The following CCDC148 variants were observed in gnomAD, a reference collection of about 807,000 sequenced individuals.
CCDC148 encodes the protein coiled-coil domain-containing protein 148.
In CCDC148, 89 loss-of-function variants were observed where a neutral mutation model predicts 85.7. The ratio of observed to expected loss-of-function variants is 1.04; its 90% CI spans 0.87 to 1.24. The LOEUF is 1.24. Ranked by LOEUF, CCDC148 falls within the 50% of genes most tolerant of loss-of-function variation. The probability of loss-of-function intolerance (pLI) is 0.00; values close to 1 mark genes in which losing one functional copy is unlikely to be tolerated. For missense variants in CCDC148, 692 were observed against 671.7 expected, an observed-to-expected ratio of 1.03 and a Z score of -0.33; for synonymous variants, 230 against 213.9, an observed-to-expected ratio of 1.08 and a Z score of -0.66.
chr2:158,221,007 C>A (rs980398867), intron 10 of CCDC148, among the ~76,000 whole-genome samples: 7 of 152,182 alleles, frequency 4.6e-5, no homozygotes, highest in African/African-American at 1.7e-4. Context: ...TTCCAGAGAA[C>A]CACAATAAAA....
chr2:158,403,513 C>T (rs896670048), intron 1 of CCDC148, among the ~76,000 whole-genome samples: 2 of 152,168 alleles, frequency 1.3e-5, no homozygotes, highest in Non-Finnish European at 2.9e-5. Flanking sequence ...GAGCTACTGA[C>T]CTTTATATGA....
Position 158,289,850 on chromosome 2 carries a change from A to G in CCDC148, c.1110+19583T>C, listed in dbSNP as rs1191085471. ...AAAACGGATCAATAAATTGTGGTAC[A>G]CAATGGCCACACATAACAAAATATT... On this transcript the variant is annotated intron_variant, in intron 9 of 13. Transcript: ENST00000283233. Among the ~76,000 whole-genome samples, 3 of 152,360 alleles carry G rather than the reference A, an allele frequency of 2.0e-5. No individual in the cohort carries two copies. In the East Asian group the frequency reaches 5.8e-4, roughly 29 times the overall value.
At chr2:158,365,468 A>G (rs1031026353) in intron 1 of CCDC148, among the ~76,000 whole-genome samples, 3 of 152,172 alleles carry the variant, frequency 2.0e-5, no homozygotes, top group African/African-American at 7.2e-5. Flanking sequence ...ATGAAATACT[A>G]TGCAGCCATA....
chr2:158,232,049 T>C (rs1398525202), intron 10 of CCDC148, among the ~76,000 whole-genome samples: 1 of 143,554 alleles, frequency 7.0e-6, no homozygotes, highest in Admixed American at 7.5e-5. Flanking sequence ...TCTTATAATG[T>C]TCCAATGATA....
intron 1 of CCDC148, chr2:158,366,039 C>CA: frequency 6.5e-7 from 1 of 1,543,254 alleles, no homozygotes. Context: ...TCTGAATTGT[C>CA]ATGAATGGTT....
At chr2:158,370,474 T>C (rs1161345769) in intron 1 of CCDC148, among the ~76,000 whole-genome samples, 1 of 152,068 alleles carries the variant, frequency 6.6e-6, no homozygotes, top group African/African-American at 2.4e-5. Flanking sequence ...GTTCTTTTGC[T>C]ACTGACTAGG....
chr2:158,266,440 T>C (rs763460750), intron 9 of CCDC148, among the ~76,000 whole-genome samples: 3 of 152,200 alleles, frequency 2.0e-5, no homozygotes, highest in Non-Finnish European at 4.4e-5. Context: ...AAAATGTTCA[T>C]GTTGAAAATA....
intron 11 of CCDC148, among the ~76,000 whole-genome samples, chr2:158,219,908 A>C (rs1291665329): frequency 6.6e-6 from 1 of 152,062 alleles, no homozygotes. Flanking sequence ...CATGCTATTT[A>C]TCTCTTTATA....
chr2:158,238,324 G>A (rs373173455), intron 10 of CCDC148, among the ~76,000 whole-genome samples: 3 of 152,022 alleles, frequency 2.0e-5, no homozygotes, highest in East Asian at 1.9e-4. Context: ...AGCATGACAC[G>A]TCATGCACTG....
chr2:158,228,721 C>T lies in CCDC148; in HGVS notation c.1252-8008G>A, dbSNP rs529945258. Reference sequence around the variant, plus strand: ...TCTATCGCAAGGACAAAAAACCAAACACCACATGTTCTCACTCATAGGTGG... The same window carrying T: ...TCTATCGCAAGGACAAAAAACCAAATACCACATGTTCTCACTCATAGGTGG... On this transcript the variant is annotated intron_variant, in intron 10 of 13. Coordinates refer to ENST00000283233, the MANE Select transcript of CCDC148 (RefSeq NM_138803.4). Among the ~76,000 whole-genome samples the T allele has an allele frequency of 2.7e-5, 4 of 150,374 alleles. No individual in the cohort carries two copies. The East Asian group carries it at 7.9e-4, about 30-fold the overall frequency.
chr2:158,254,534 T>C (rs1688932094), intron 9 of CCDC148, among the ~76,000 whole-genome samples: 1 of 151,616 alleles, frequency 6.6e-6, no homozygotes, highest in Admixed American at 6.6e-5. Context: ...AAAAATGTAT[T>C]GAAAAACAAA....
intron 10 of CCDC148, among the ~76,000 whole-genome samples, chr2:158,249,009 C>T (rs1358873039): frequency 2.6e-5 from 4 of 152,150 alleles, no homozygotes; most frequent in African/African-American, 9.7e-5. Flanking sequence ...GCCTTTCTCT[C>T]ACTTCCAGAA....
At chr2:158,357,480 T>C (rs1013698147) in intron 2 of CCDC148, among the ~76,000 whole-genome samples, 5 of 152,166 alleles carry the variant, frequency 3.3e-5, no homozygotes, top group African/African-American at 1.2e-4. Flanking sequence ...GTATTATGTT[T>C]ATGTTTACAT....
intron 7 of CCDC148, among the ~76,000 whole-genome samples, chr2:158,324,548 C>T (rs13382484): frequency 0.35 from 52,577 of 151,846 alleles, 9,332 homozygotes; most frequent in African/African-American, 0.43. Context: ...TTGAACACCC[C>T]TGAAGCCAAT....
intron 10 of CCDC148, among the ~76,000 whole-genome samples, chr2:158,227,140 C>G (rs1046266769): frequency 5.2e-4 from 79 of 152,260 alleles, no homozygotes; most frequent in African/African-American, 1.8e-3. Context: ...ACAAAAATCA[C>G]AAGCATTCCC....
At chr2:158,264,973 A>G (rs1461593930) in intron 9 of CCDC148, among the ~76,000 whole-genome samples, 1 of 152,108 alleles carries the variant, frequency 6.6e-6, no homozygotes, top group Non-Finnish European at 1.5e-5. Context: ...ACCAAAGCTC[A>G]TTTATACATT....
intron 1 of CCDC148, among the ~76,000 whole-genome samples, chr2:158,384,182 C>T (rs1399423100): frequency 6.6e-6 from 1 of 152,156 alleles, no homozygotes; most frequent in East Asian, 1.9e-4. Context: ...AAGGTAGTGC[C>T]TGTCAGGTTT....
chr2:158,422,736 C>A (rs530844822), intron 1 of CCDC148, among the ~76,000 whole-genome samples: 1 of 152,076 alleles, frequency 6.6e-6, no homozygotes, highest in Non-Finnish European at 1.5e-5. Flanking sequence ...CTGGCCCGAG[C>A]AATCAGGCAG....
intron 1 of CCDC148, among the ~76,000 whole-genome samples, chr2:158,389,958 C>T (rs1685238806): frequency 6.6e-6 from 1 of 152,122 alleles, no homozygotes; most frequent in African/African-American, 2.4e-5. Flanking sequence ...AATTCCCATG[C>T]TTCAATATGT....
Sources: allele counts gnomAD v4.1 joint callset (sites outside exome capture counted in the v4.1 genomes callset), GRCh38; gene constraint gnomAD v4.1.1; transcripts MANE v1.5; gene names NCBI Gene and HGNC (gene_info 2026-07-23, HGNC 2026-07-21).